EFR3B: variants seen among roughly 807,000 people sequenced by gnomAD.
The protein encoded by EFR3B is protein EFR3 homolog B.
Under a neutral mutation model 104.7 loss-of-function variants are expected in EFR3B, and 64 were observed. The observed-to-expected ratio is 0.61, with a 90% CI of 0.50 to 0.75. The LOEUF is 0.75. EFR3B is among the 30% of genes least tolerant of loss of function. The probability of loss-of-function intolerance (pLI) is 0.00; values close to 1 mark genes in which losing one functional copy is unlikely to be tolerated. For missense variants in EFR3B, 750 were observed against 1,078.5 expected (o/e 0.70, Z 4.27); for synonymous variants, 385 against 417.9 (o/e 0.92, Z 0.96).
At chr2:25,100,038 A>G (rs957194760) in intron 3 of EFR3B, among the ~76,000 whole-genome samples, 1 of 152,014 alleles carries the variant, frequency 6.6e-6, no homozygotes, top group Non-Finnish European at 1.5e-5. Flanking sequence ...CCCCATCTCT[A>G]CAAAAAATAC....
At chr2:25,153,650 C>A in intron 21 of EFR3B, 62 bp from the exon 22 acceptor site, 1 of 1,529,816 alleles carries the variant, frequency 6.5e-7, no homozygotes, top group Non-Finnish European at 8.9e-7. Context: ...CACCCTGAGC[C>A]AGCTGGCAGA....
rs1220201249 is a variant in EFR3B, at chr2:25,131,840, T to C, written c.1076T>C (p.Val359Ala). ...CTGACCGGGAGCTACGACGGGGCGGTCAGCCTCGGCACCAAGATCATCAAG... is the reference window on the plus strand; with the variant it reads ...CTGACCGGGAGCTACGACGGGGCGGCCAGCCTCGGCACCAAGATCATCAAG... ...YALTGSYDGA[V>A]SLGTKIIKEH... The change falls in exon 10 of 23, where the codon GTC (valine) becomes GCC (alanine). Residue 359 changes from valine to alanine, a missense_variant. Transcript: ENST00000403714. This position sits in a 1 kb window ranked among gnomAD's most constrained non-coding sequence, Gnocchi z 7.6. The C allele has an allele frequency of 7.7e-6, 12 of 1,548,756 alleles. No homozygotes were observed. The South Asian group carries it at 1.1e-4, about 14-fold the overall frequency.
chr2:25,124,517 G>A (rs1438112951), intron 5 of EFR3B, among the ~76,000 whole-genome samples: 1 of 151,464 alleles, frequency 6.6e-6, no homozygotes, highest in African/African-American at 2.4e-5. Context: ...ACAAGGTCAG[G>A]AGATTGAGAT....
rs1406452118 is a variant in EFR3B at position 25,145,013 on chromosome 2, G to A, written c.2104G>A (p.Val702Met). ...CATTGGAGAGACCATCTCCCTGCAG[G>A]TGGAGGTAGAATCGAGGAACAGTCC... ...RSIGETISLQ[V>M]EVESRNSPEK... Residue 702 changes from valine (V) to methionine (M), a missense_variant, in exon 19 of 23, where the codon GTG becomes ATG. Transcript: ENST00000403714. 1 of 1,551,780 alleles carries A rather than the reference G, an allele frequency of 6.4e-7. No individual in the cohort carries two copies. The highest frequency in any genetic ancestry group is 2.4e-5 in the East Asian group (1 of 40,926).
rs1670323143 is a variant in EFR3B, at chr2:25,131,328, T to C, written c.850-40T>C. 1 of 1,541,862 alleles carries C rather than the reference T, an allele frequency of 6.5e-7. No homozygotes were observed. The stretch of plus-strand genomic sequence containing the variant: ...AGGGCTGCGCAGCCCAGGGACCCCG[T>C]GGGGTTGCTGTCCAGGCCCAGCTCA... On this transcript the variant is annotated intron_variant, in intron 8 of 22. Coordinates refer to ENST00000403714, the MANE Select transcript of EFR3B (RefSeq NM_014971.2). The surrounding 1 kb of genome is among the most constrained non-coding windows in gnomAD (Gnocchi z 7.6).
intron 4 of EFR3B, among the ~76,000 whole-genome samples, chr2:25,119,992 G>C (rs751977033): frequency 2.0e-5 from 3 of 152,142 alleles, no homozygotes; most frequent in Non-Finnish European, 4.4e-5. Flanking sequence ...GAATAATGGA[G>C]AATATATTTT....
At chr2:25,129,495 C>T (rs1670270937) in intron 6 of EFR3B, among the ~76,000 whole-genome samples, 1 of 152,144 alleles carries the variant, frequency 6.6e-6, no homozygotes. Flanking sequence ...GGCCCACTCC[C>T]TGTGACTTGA....
intron 1 of EFR3B, among the ~76,000 whole-genome samples, chr2:25,064,324 A>G (rs1183118732): frequency 6.6e-6 from 1 of 152,218 alleles, no homozygotes; most frequent in Non-Finnish European, 1.5e-5. Flanking sequence ...GTTCGTCTGT[A>G]TATTTAAAGC....
intron 22 of EFR3B, 80 bp downstream of exon 22, chr2:25,153,841 T>C (rs1018313071): frequency 2.2e-6 from 3 of 1,392,136 alleles, no homozygotes; most frequent in African/African-American, 1.4e-5. Flanking sequence ...CTCTCACCCC[T>C]GTCTTCTCTT....
Position 25,091,322 on chromosome 2 carries a change from C to T in EFR3B, c.8-3C>T. Reference sequence around the variant, plus strand: ...CTCACAGTTTTTCCCATTCTTATTCCAGGTGTGTGTGGCTGCTGTGGTGCC... The same window carrying T: ...CTCACAGTTTTTCCCATTCTTATTCTAGGTGTGTGTGGCTGCTGTGGTGCC... On this transcript the variant is annotated splice_polypyrimidine_tract_variant and splice_region_variant and intron_variant, in intron 1 of 22. Transcript: ENST00000403714. The T allele has an allele frequency of 3.2e-6, 5 of 1,549,990 alleles. No individual in the cohort carries two copies. Among genetic ancestry groups the T allele is most frequent in the South Asian group, 2.4e-5 (2 of 83,880 alleles).
chr2:25,066,674 C>G (rs1224307329), intron 1 of EFR3B, among the ~76,000 whole-genome samples: 4 of 152,236 alleles, frequency 2.6e-5, no homozygotes, highest in African/African-American at 9.6e-5. Flanking sequence ...TTCATTATGG[C>G]TGCATGCTGT....
At position 25,155,693 on chromosome 2, in the gene EFR3B, G is replaced by T. The variant is rs1483382161; in HGVS notation, c.*1353G>T. ...GCTCCTCCCATGGCAGTGCCATGTG[G>T]TCCAAAATTGCCCTTTCCTTCTCCG... On this transcript the variant is annotated 3_prime_UTR_variant, in exon 23 of 23. Coordinates refer to ENST00000403714, the MANE Select transcript of EFR3B (RefSeq NM_014971.2). The T allele has an allele frequency of 6.6e-6, 1 of 152,098 alleles. No homozygotes were observed. The highest frequency in any genetic ancestry group is 1.5e-5 in the Non-Finnish European group (1 of 68,030). 9.4% of individuals were successfully genotyped at this position (152,098 alleles called of 1,614,324 possible). A position where few individuals can be genotyped will look rare whatever the true frequency, so the allele number is the denominator to read the frequency against.
chr2:25,075,193 ATATT>A (rs1240641232), intron 1 of EFR3B, among the ~76,000 whole-genome samples: 4 of 152,130 alleles, frequency 2.6e-5, no homozygotes, highest in Non-Finnish European at 5.9e-5. Context: ...CCCACCTGGC[ATATT>A]TATTCTCAGT....
chr2:25,153,849 C>T, intron 22 of EFR3B, 88 bp downstream of exon 22: 1 of 1,325,930 alleles, frequency 7.5e-7, no homozygotes, highest in African/African-American at 1.5e-5. Flanking sequence ...CCTGTCTTCT[C>T]TTCTCTCCTC....
rs1475806985 is a variant in EFR3B, at chr2:25,157,782, C to T, written c.*3442C>T. 4 of 152,232 alleles carry T rather than the reference C, an allele frequency of 2.6e-5. No individual in the cohort carries two copies. The allele number at this position is 152,232 out of a possible 1,614,324, so 9.4% of individuals were successfully genotyped here. ...GCCATGGAGTCCCCAGCGCCTTGTG[C>T]CTGTTTCCATTTCCCTCTCTCTTTG... On this transcript the variant is annotated 3_prime_UTR_variant, in exon 23 of 23. Transcript: ENST00000403714.
At chr2:25,121,195 C>G (rs77097878) in intron 4 of EFR3B, among the ~76,000 whole-genome samples, 14,405 of 152,250 alleles carry the variant, frequency 0.095, 1,594 homozygotes, top group African/African-American at 0.28. Context: ...AGCCACTGTA[C>G]CTGGCCAAAC....
intron 1 of EFR3B, chr2:25,080,311 T>TTTTTTTTTTTTTTTTTTTTTTTTTTG (rs1668763108): frequency 1.4e-6 from 1 of 731,296 alleles, no homozygotes; most frequent in Admixed American, 3.0e-5. Context: ...TTTTTTTTTT[T>TTTTTTTTTTTTTTTTTTTTTTTTTTG]GAGATGGAGT....
At chr2:25,062,532 T>C (rs1668223414) in intron 1 of EFR3B, among the ~76,000 whole-genome samples, 1 of 152,228 alleles carries the variant, frequency 6.6e-6, no homozygotes, top group Non-Finnish European at 1.5e-5. Context: ...GTGGGTATAC[T>C]AGGAGACGGA....
At chr2:25,134,627 G>A (rs1204119251) in intron 12 of EFR3B, among the ~76,000 whole-genome samples, 1 of 150,210 alleles carries the variant, frequency 6.7e-6, no homozygotes, top group East Asian at 2.0e-4. Flanking sequence ...CGACCCCGCC[G>A]CCACCTCACA....
Sources: gnomAD v4.1 joint callset for allele counts (sites outside exome capture counted in the v4.1 genomes callset) on GRCh38, gnomAD v4.1.1 for gene constraint, Gnocchi (gnomAD v3.1) non-coding constraint, MANE v1.5 for transcripts, NCBI Gene and HGNC (gene_info 2026-07-23, HGNC 2026-07-21) for gene names.